SYTL2: variants seen among roughly 807,000 people sequenced by gnomAD.
SYTL2 encodes the protein synaptotagmin like 2.
In SYTL2, 165 loss-of-function variants were observed where a neutral mutation model predicts 198.7. The ratio of observed to expected loss-of-function variants is 0.83; its 90% confidence interval spans 0.73 to 0.94. The LOEUF (loss-of-function observed/expected upper bound fraction) is 0.94, where lower values mean the gene tolerates loss of function less well. Ranked by LOEUF, SYTL2 falls within the 40% of genes least tolerant of loss-of-function variation. SYTL2 has a pLI of 0.00. For synonymous variants in SYTL2, 966 were observed against 917.7 expected, an observed-to-expected ratio of 1.05 and a Z score of -0.95; for missense variants, 2,835 against 2,582.8, an observed-to-expected ratio of 1.10 and a Z score of -2.12.
At chr11:85,811,953 A>T (rs2093039305), upstream of SYTL2, among the ~76,000 whole-genome samples, 1 of 152,158 alleles carries the variant, frequency 6.6e-6, no homozygotes, top group African/African-American at 2.4e-5. Flanking sequence ...AAGAAAAAAG[A>T]AAAATTAGCT....
At chr11:85,833,055 GA>G in the SYTL2 span, among the ~76,000 whole-genome samples, 4 of 29,598 alleles carry the variant, frequency 1.4e-4, no homozygotes, top group South Asian at 1.0e-3. Flanking sequence ...AAGAAAGAAA[GA>G]AAGAAAGAAA....
intron 1 of SYTL2, among the ~76,000 whole-genome samples, chr11:85,761,186 C>T (rs770404524): frequency 5.3e-5 from 8 of 151,848 alleles, no homozygotes; most frequent in Non-Finnish European, 8.8e-5. Context: ...TTTTTGAATA[C>T]CAAATAATTA....
chr11:85,725,364 G>A lies in SYTL2; in HGVS notation c.3994C>T (p.Leu1332Phe). ...GDVASPPQDM[L>F]FPQDAHLVPQ... The stretch of plus-strand genomic sequence containing the variant: ...ACAAGATGAGCATCCTGGGGAAAAA[G>A]CATATCTTGGGGAGGGCTGGCCACA... Residue 1332 changes from leucine (L) to phenylalanine (F), a missense_variant, in exon 8 of 20, where the codon CTT becomes TTT. By Grantham distance (22) the Leu-to-Phe change is conservative. Coordinates refer to ENST00000359152, the MANE Select transcript of SYTL2 (RefSeq NM_206927.4). The A allele has an allele frequency of 1.2e-6, 2 of 1,613,968 alleles. No homozygotes were observed. Among genetic ancestry groups the A allele is most frequent in the Non-Finnish European group, 8.5e-7 (1 of 1,179,966 alleles).
intron 7 of SYTL2, among the ~76,000 whole-genome samples, chr11:85,728,589 G>A (rs2089484716): frequency 6.6e-6 from 1 of 152,074 alleles, no homozygotes; most frequent in Non-Finnish European, 1.5e-5. Context: ...CCAGCTCCAT[G>A]TTACATTTTA....
chr11:85,727,616 A>G lies in SYTL2; in HGVS notation c.1742T>C (p.Ile581Thr), dbSNP rs2089350055. The G allele has an allele frequency of 2.6e-6, 4 of 1,535,940 alleles. No homozygotes were observed. Among genetic ancestry groups the G allele is most frequent in the Non-Finnish European group, 3.5e-6 (4 of 1,146,836 alleles). ...GTCAGATCTCACAGGCTTCAATTCA[A>G]TTTTGCTGGGTGATAGGGTCTTTGA... Reference protein sequence around the residue: ...NGSKTLSPSKIELKPVRSDSP... With the variant: ...NGSKTLSPSKTELKPVRSDSP... The change falls in exon 8 of 20, where the codon ATT becomes ACT. Residue 581 changes from isoleucine to threonine, a missense_variant. Ile to Thr is a moderately conservative substitution (Grantham distance 89, BLOSUM62 -1). Transcript: ENST00000359152.
intron 16 of SYTL2, among the ~76,000 whole-genome samples, chr11:85,702,688 C>A (rs1412456579): frequency 1.3e-5 from 2 of 152,192 alleles, no homozygotes; most frequent in Non-Finnish European, 1.5e-5. Flanking sequence ...TGGTCTGTGC[C>A]TGCTGTATCA....
intron 12 of SYTL2, among the ~76,000 whole-genome samples, chr11:85,714,176 T>G (rs1225658436): frequency 6.6e-6 from 1 of 152,212 alleles, no homozygotes; most frequent in East Asian, 1.9e-4. Flanking sequence ...AAAGTCACAT[T>G]CCCAAATCTA....
the SYTL2 span, among the ~76,000 whole-genome samples, chr11:85,848,467 T>C: frequency 6.6e-6 from 1 of 152,144 alleles, no homozygotes; most frequent in Admixed American, 6.5e-5. Flanking sequence ...GTTAATTTTT[T>C]GTATGGTTTT....
chr11:85,704,108 A>G (rs1377308352), intron 16 of SYTL2, among the ~76,000 whole-genome samples: 1 of 152,112 alleles, frequency 6.6e-6, no homozygotes, highest in Non-Finnish European at 1.5e-5. Flanking sequence ...TAAGAGACAA[A>G]TATTTTAAGA....
At chr11:85,705,126 T>A (rs879372440) in intron 15 of SYTL2, 98 bp from the exon 16 acceptor site, 3 of 889,856 alleles carry the variant, frequency 3.4e-6, no homozygotes, top group African/African-American at 1.7e-5. Flanking sequence ...TATAGCAAAT[T>A]TTCTTATCTG....
the SYTL2 span, among the ~76,000 whole-genome samples, chr11:85,831,306 T>C: frequency 3.3e-5 from 5 of 152,332 alleles, no homozygotes; most frequent in East Asian, 3.9e-4. Flanking sequence ...CCTGCCAACT[T>C]TGAAATGTAG....
intron 11 of SYTL2, chr11:85,715,142 G>T (rs1173881749): frequency 6.6e-6 from 1 of 152,084 alleles, no homozygotes; most frequent in African/African-American, 2.4e-5. Context: ...GTTAAAGTTA[G>T]GGTACTCTAA....
chr11:85,779,172 TC>T (rs2092513504), intron 1 of SYTL2, among the ~76,000 whole-genome samples: 1 of 152,130 alleles, frequency 6.6e-6, no homozygotes, highest in African/African-American at 2.4e-5. Context: ...AAAATTAGGC[TC>T]GGTGGCTGCT....
chr11:85,732,114 G>A (rs976058036), intron 7 of SYTL2, among the ~76,000 whole-genome samples: 6 of 152,210 alleles, frequency 3.9e-5, no homozygotes, highest in African/African-American at 1.4e-4. Flanking sequence ...AGAGGATGTG[G>A]AGAAATAGGA....
intron 1 of SYTL2, among the ~76,000 whole-genome samples, chr11:85,769,517 T>G (rs1305188143): frequency 6.6e-6 from 1 of 152,220 alleles, no homozygotes; most frequent in Non-Finnish European, 1.5e-5. Flanking sequence ...GCCTGTAAGA[T>G]CCATTTCAGA....
At position 85,734,525 on chromosome 11, in the gene SYTL2, C is replaced by T; in HGVS notation, c.804G>A (p.Gly268=). Residue 268 remains glycine, a synonymous_variant, in exon 7 of 20, where the codon GGG becomes GGA. Coordinates refer to ENST00000359152, the MANE Select transcript of SYTL2 (RefSeq NM_206927.4). ...RQRTDSLKAR[G]APRGILKRNS... ...TGCGCTTGAGGATCCCTCTCGGAGC[C>T]CCTCTCGCTTTCAGGGAGTCTGTCC... 6.2e-7 allele frequency: 1 copy of T among 1,614,144 alleles called. No individual in the cohort carries two copies. Among genetic ancestry groups the T allele is most frequent in the Non-Finnish European group, 8.5e-7 (1 of 1,180,008 alleles).
chr11:85,727,508 T>C lies in SYTL2; in HGVS notation c.1850A>G (p.Asn617Ser), dbSNP rs766215346. ...CTTTGGGGTGCCTTTTTGGGACAAA[T>C]TCATGAATTTGGATTTGATATTCAC... ...NNVNIKSKFM[N>S]LSQKGTPKEG... is the part of the protein sequence containing the mutation. Residue 617 changes from asparagine to serine, a missense_variant, in exon 8 of 20, where the codon AAT (asparagine) becomes AGT (serine). Around this residue, in one of 3 missense-constraint regions of SYTL2, gnomAD observed 2,645 missense variants for 2,381.7 expected, o/e 1.11. Transcript: ENST00000359152. 3.4e-5 allele frequency: 52 copies of C among 1,535,950 alleles called. No homozygotes were observed. The highest frequency in any genetic ancestry group is 4.5e-5 in the Non-Finnish European group (52 of 1,146,888).
At position 85,711,276 on chromosome 11, in the gene SYTL2, G is replaced by A. The variant is rs142034348; in HGVS notation, c.5626-44C>T. On this transcript the variant is annotated intron_variant, in intron 12 of 19. Transcript: ENST00000359152. ...TATGCACAATATTTAAATTCAGAAT[G>A]AGTCAAGATCAGAATCTCTGTTTAG... 710 of 1,596,612 alleles carry A rather than the reference G, an allele frequency of 4.4e-4. 3 individuals carry two copies. The African/African-American group carries it at 8.8e-3, about 20-fold the overall frequency.
At chr11:85,745,584 C>A (rs1179877081) in intron 4 of SYTL2, 53 bp downstream of exon 4, 3 of 1,581,660 alleles carry the variant, frequency 1.9e-6, no homozygotes, top group Admixed American at 1.7e-5. Flanking sequence ...CCATGTGACA[C>A]CCCAGGCCAT....
Sources: gnomAD v4.1 joint callset for allele counts (sites outside exome capture counted in the v4.1 genomes callset) on GRCh38, gnomAD v4.1.1 for gene constraint, gnomAD v4.1.1 regional missense constraint, MANE v1.5 for transcripts, NCBI Gene and HGNC (gene_info 2026-07-23, HGNC 2026-07-21) for gene names.